UBE2D1: variants seen among roughly 807,000 people sequenced by gnomAD.
UBE2D1 encodes the protein ubiquitin conjugating enzyme E2 D1.
In UBE2D1, 9 loss-of-function variants were observed where a neutral mutation model predicts 24.6. That is an observed-to-expected ratio of 0.37 (90% confidence interval 0.22 to 0.64). The LOEUF (loss-of-function observed/expected upper bound fraction) is 0.64. Among genes scored for constraint, UBE2D1 ranks in the 30% least tolerant of loss-of-function variants. The pLI, the probability that UBE2D1 is intolerant of heterozygous loss-of-function variation, is 0.64. For missense variants in UBE2D1, 87 were observed against 177.1 expected, an observed-to-expected ratio of 0.49 and a Z score of 2.89; for synonymous variants, 57 against 57.6, an observed-to-expected ratio of 0.99 and a Z score of 0.04.
chr10:58,356,536 G>A lies in UBE2D1; in HGVS notation c.25-4802G>A, dbSNP rs1253872655. Among the ~76,000 whole-genome samples the A allele has an allele frequency of 2.0e-5, 3 of 152,092 alleles. No individual in the cohort carries two copies. The East Asian group carries it at 5.8e-4, about 29-fold the overall frequency. On this transcript the variant is annotated intron_variant, in intron 1 of 6. Coordinates refer to ENST00000373910, the MANE Select transcript of UBE2D1 (RefSeq NM_003338.5). ...AGTTTTCATACTTATACAAGATGCT[G>A]CAGTAAATATCCTTATATATGTATC...
At chr10:58,368,492 G>C (rs1840280699) in intron 6 of UBE2D1, 1 of 329,516 alleles carries the variant, frequency 3.0e-6, no homozygotes, top group Non-Finnish European at 5.5e-6. Context: ...TTTGATTTTT[G>C]TGTATTTGGA....
chr10:58,368,940 A>C lies in UBE2D1; in HGVS notation c.*175A>C, dbSNP rs1840285922. 1 of 395,354 alleles carries C rather than the reference A, an allele frequency of 2.5e-6. No individual in the cohort carries two copies. Among genetic ancestry groups the C allele is most frequent in the African/African-American group, 2.1e-5 (1 of 48,338 alleles). 24.5% of individuals were successfully genotyped at this position (395,354 alleles called of 1,614,324 possible). A position where few individuals can be genotyped will look rare whatever the true frequency, so the allele number is the denominator to read the frequency against. On this transcript the variant is annotated 3_prime_UTR_variant, in exon 7 of 7. Transcript: ENST00000373910. Reference sequence around the variant, plus strand: ...AAACAAACTTCCAAAAATACCCTTAAGACTGTGATGAGAGCATTTATCATT... The same window carrying C: ...AAACAAACTTCCAAAAATACCCTTACGACTGTGATGAGAGCATTTATCATT...
At chr10:58,352,591 G>A (rs74146628) in intron 1 of UBE2D1, among the ~76,000 whole-genome samples, 10,653 of 149,056 alleles carry the variant, frequency 0.071, 458 homozygotes, top group African/African-American at 0.13. Flanking sequence ...CTCTTAAATC[G>A]AAAAAAAAAA....
intron 1 of UBE2D1, among the ~76,000 whole-genome samples, chr10:58,353,298 C>T (rs1460812044): frequency 6.6e-6 from 1 of 152,170 alleles, no homozygotes; most frequent in Admixed American, 6.5e-5. Context: ...TAAATTTCTA[C>T]ATTTAGCCCA....
intron 1 of UBE2D1, among the ~76,000 whole-genome samples, chr10:58,337,843 A>G (rs1359689722): frequency 6.6e-6 from 1 of 152,014 alleles, no homozygotes; most frequent in African/African-American, 2.4e-5. Flanking sequence ...GCTTTGTCCA[A>G]AGATAATCTC....
chr10:58,370,215 T>C lies in UBE2D1; in HGVS notation c.*1450T>C, dbSNP rs1359343043. The stretch of plus-strand genomic sequence containing the variant: ...GTTTTAACTTGGGGAAAAATACATC[T>C]CTTTAATGTTTAGCATGCTTGTCAA... On this transcript the variant is annotated 3_prime_UTR_variant, in exon 7 of 7. Coordinates refer to ENST00000373910, the MANE Select transcript of UBE2D1 (RefSeq NM_003338.5). The C allele has an allele frequency of 6.6e-6, 1 of 152,132 alleles. No individual in the cohort carries two copies. 9.4% of individuals were successfully genotyped at this position (152,132 alleles called of 1,614,324 possible). A position where few individuals can be genotyped will look rare whatever the true frequency, so the allele number is the denominator to read the frequency against.
intron 1 of UBE2D1, among the ~76,000 whole-genome samples, chr10:58,342,767 G>T (rs528314696): frequency 2.0e-5 from 3 of 150,902 alleles, no homozygotes; most frequent in African/African-American, 7.3e-5. Context: ...TATGGTCAGA[G>T]AACAAATTCT....
rs376560942 is a variant in UBE2D1 at position 58,368,737 on chromosome 10, G to A, written c.416G>A (p.Arg139Lys). ...SDKEKYNRHA[R>K]EWTQKYAM is the part of the protein sequence containing the mutation. The stretch of plus-strand genomic sequence containing the variant: ...ATCTACAGATACAACAGACATGCAA[G>A]AGAATGGACTCAGAAATATGCAATG... Residue 139 changes from arginine (R) to lysine (K), a missense_variant, in exon 7 of 7, where the codon AGA becomes AAA. Coordinates refer to ENST00000373910, the MANE Select transcript of UBE2D1 (RefSeq NM_003338.5). 1.9e-6 allele frequency: 3 copies of A among 1,589,518 alleles called. No homozygotes were observed. The highest frequency in any genetic ancestry group is 2.6e-6 in the Non-Finnish European group (3 of 1,167,342).
chr10:58,347,664 CG>C (rs1323174307), intron 1 of UBE2D1, among the ~76,000 whole-genome samples: 9 of 142,580 alleles, frequency 6.3e-5, no homozygotes, highest in Non-Finnish European at 1.4e-4. Context: ...TTTTTTGCCC[CG>C]AGACGGAGTT....
At chr10:58,365,445 A>C (rs535254135) in intron 5 of UBE2D1, among the ~76,000 whole-genome samples, 6 of 152,362 alleles carry the variant, frequency 3.9e-5, no homozygotes, top group Non-Finnish European at 7.3e-5. Flanking sequence ...TTGATTGATA[A>C]ATGATTTAAG....
chr10:58,368,028 CTTAT>C lies in UBE2D1; in HGVS notation c.398+15_398+18del, dbSNP rs772200895. The C allele has an allele frequency of 6.3e-7, 1 of 1,586,944 alleles. No homozygotes were observed. The highest frequency in any genetic ancestry group is 1.3e-5 in the African/African-American group (1 of 74,206). On this transcript the variant is annotated intron_variant, in intron 6 of 6. Coordinates refer to ENST00000373910, the MANE Select transcript of UBE2D1 (RefSeq NM_003338.5). ...TCAGACAAAGAAAAGTAAGTGTTTA[CTTAT>C]TTTAGTTTCTGTATGGATACATTCC... is the stretch of plus-strand genomic sequence containing the variant.
chr10:58,353,495 T>C (rs1840099151), intron 1 of UBE2D1, among the ~76,000 whole-genome samples: 3 of 152,162 alleles, frequency 2.0e-5, no homozygotes, highest in South Asian at 2.1e-4. Context: ...AGCTGTGTCC[T>C]GAAAGTAGGT....
chr10:58,368,822 C>T lies in UBE2D1; in HGVS notation c.*57C>T. ...ACTGTAAAATCTAGGTTTTTTTCAA[C>T]ATTAGCAGTAAATTGAGCACTGTTT... On this transcript the variant is annotated 3_prime_UTR_variant, in exon 7 of 7. Coordinates refer to ENST00000373910, the MANE Select transcript of UBE2D1 (RefSeq NM_003338.5). 1 of 1,234,872 alleles carries T rather than the reference C, an allele frequency of 8.1e-7. No individual in the cohort carries two copies. Among genetic ancestry groups the T allele is most frequent in the South Asian group, 1.4e-5 (1 of 69,052 alleles). 76.5% of individuals were successfully genotyped at this position (1,234,872 alleles called of 1,614,324 possible).
At chr10:58,366,980 G>A (rs964408830) in intron 5 of UBE2D1, among the ~76,000 whole-genome samples, 2 of 152,006 alleles carry the variant, frequency 1.3e-5, no homozygotes, top group African/African-American at 4.8e-5. Flanking sequence ...CTGCCCTGTT[G>A]GTTTAATATA....
rs2132336196 is a variant in UBE2D1 at position 58,368,963 on chromosome 10, A to C, written c.*198A>C. The C allele has an allele frequency of 2.8e-6, 1 of 353,012 alleles. No individual in the cohort carries two copies. Among genetic ancestry groups the C allele is most frequent in the South Asian group, 1.2e-4 (1 of 8,556 alleles). The allele number at this position is 353,012 out of a possible 1,614,324, so 21.9% of individuals were successfully genotyped here. On this transcript the variant is annotated 3_prime_UTR_variant, in exon 7 of 7. Coordinates refer to ENST00000373910, the MANE Select transcript of UBE2D1 (RefSeq NM_003338.5). The stretch of plus-strand genomic sequence containing the variant: ...TAAGACTGTGATGAGAGCATTTATC[A>C]TTTTGTATGCATTGAGAAAGACATT...
intron 5 of UBE2D1, among the ~76,000 whole-genome samples, chr10:58,365,578 A>AG (rs969960081): frequency 2.0e-5 from 3 of 152,206 alleles, no homozygotes; most frequent in African/African-American, 7.2e-5. Flanking sequence ...CAACTTTTAC[A>AG]GGGGTATAGC....
chr10:58,364,880 A>AT lies in UBE2D1; in HGVS notation c.304+7dup, dbSNP rs1408561158. 1 of 1,606,294 alleles carries AT rather than the reference A, an allele frequency of 6.2e-7. No homozygotes were observed. The highest frequency in any genetic ancestry group is 1.7e-5 in the Admixed American group (1 of 59,844). On this transcript the variant is annotated splice_donor_region_variant and intron_variant, in intron 5 of 6. Coordinates refer to ENST00000373910, the MANE Select transcript of UBE2D1 (RefSeq NM_003338.5). ...CCAGCTCTGACTGTATCAAAAGGTA[A>AT]TTTCATTGATCAGGTTTGAAACAGT... is the stretch of plus-strand genomic sequence containing the variant.
intron 1 of UBE2D1, among the ~76,000 whole-genome samples, chr10:58,344,295 C>G (rs1341585840): frequency 6.6e-6 from 1 of 152,112 alleles, no homozygotes; most frequent in African/African-American, 2.4e-5. Flanking sequence ...CTAGCTGTTA[C>G]AGTGTTGAGG....
chr10:58,354,433 T>G (rs1840109332), intron 1 of UBE2D1, among the ~76,000 whole-genome samples: 1 of 151,966 alleles, frequency 6.6e-6, no homozygotes, highest in South Asian at 2.1e-4. Context: ...CCCTTTAATT[T>G]TTTTTTTTTT....
Sources: gnomAD v4.1 joint callset for allele counts (sites outside exome capture counted in the v4.1 genomes callset) on GRCh38, gnomAD v4.1.1 for gene constraint, MANE v1.5 for transcripts, NCBI Gene and HGNC (gene_info 2026-07-23, HGNC 2026-07-21) for gene names.